BIN1: variants seen among roughly 807,000 people sequenced by gnomAD.
BIN1 encodes myc box-dependent-interacting protein 1.
In BIN1, 53 loss-of-function variants were observed where a neutral mutation model predicts 82.0. That is an observed-to-expected ratio of 0.65 (90% CI 0.52 to 0.81). The LOEUF (loss-of-function observed/expected upper bound fraction) is 0.81, where lower values mean the gene tolerates loss of function less well. Among genes scored for constraint, BIN1 ranks in the 40% least tolerant of loss-of-function variants. The pLI is 0.00. For synonymous variants in BIN1, 302 were observed against 328.0 expected (o/e 0.92, Z 0.86); for missense variants, 642 against 784.4 (o/e 0.82, Z 2.17).
chr2:127,081,697 T>C, intron 1 of BIN1: 3 of 993,378 alleles, frequency 3.0e-6, no homozygotes, highest in Non-Finnish European at 4.0e-6. Context: ...GCACCCCTCG[T>C]CCCTGCAGTG....
chr2:127,105,428 T>G (rs1262499441), intron 1 of BIN1, among the ~76,000 whole-genome samples: 1 of 148,912 alleles, frequency 6.7e-6, no homozygotes, highest in Non-Finnish European at 1.5e-5. Flanking sequence ...CAACCTGAAG[T>G]CTTCCCAGCC....
chr2:127,089,482 A>C (rs1034180423), intron 1 of BIN1, among the ~76,000 whole-genome samples: 1 of 152,126 alleles, frequency 6.6e-6, no homozygotes, highest in Non-Finnish European at 1.5e-5. Context: ...GGTGGTCATC[A>C]CCTGAGATGG....
At chr2:127,060,436 G>A (rs1470475094) in intron 10 of BIN1, among the ~76,000 whole-genome samples, 2 of 152,138 alleles carry the variant, frequency 1.3e-5, no homozygotes, top group Non-Finnish European at 1.5e-5. Context: ...CGCCGCCTCC[G>A]CCTTCCCACC....
At chr2:127,071,728 C>T (rs142922248) in intron 2 of BIN1, among the ~76,000 whole-genome samples, 1 of 152,284 alleles carries the variant, frequency 6.6e-6, no homozygotes, top group East Asian at 1.9e-4. Context: ...GGGCTGCACA[C>T]GGGCTTTGAG....
chr2:127,053,950 G>C lies in BIN1; in HGVS notation c.1194C>G (p.Leu398=). The part of the protein sequence containing the change: ...ASLLDLDFDP[L]PPVTSPVKAP... ...CCTTCACAGGGCTCGTCACGGGCGGGAGGGGGTCAAAGTCCAGGTCCAGCA... is the reference window on the plus strand; with the variant it reads ...CCTTCACAGGGCTCGTCACGGGCGGCAGGGGGTCAAAGTCCAGGTCCAGCA... Residue 398 remains leucine, a synonymous_variant, in exon 13 of 19, where the codon CTC becomes CTG. Coordinates refer to ENST00000316724, the MANE Select transcript of BIN1 (RefSeq NM_139343.3). 6.4e-7 allele frequency: 1 copy of C among 1,551,786 alleles called. No individual in the cohort carries two copies. Among genetic ancestry groups the C allele is most frequent in the Non-Finnish European group, 8.7e-7 (1 of 1,147,132 alleles).
At chr2:127,105,952 G>A (rs908274460) in intron 1 of BIN1, among the ~76,000 whole-genome samples, 2 of 152,250 alleles carry the variant, frequency 1.3e-5, no homozygotes, top group Non-Finnish European at 2.9e-5. Flanking sequence ...ATAAACCAGA[G>A]GTGGCTTGGG....
At chr2:127,052,022 GGCTGGGC>G in intron 15 of BIN1, among the ~76,000 whole-genome samples, 1 of 152,390 alleles carries the variant, frequency 6.6e-6, no homozygotes, top group African/African-American at 2.4e-5. Context: ...TGCGCTGGGA[GGCTGGGC>G]TGGGGTGGGC....
At chr2:127,070,195 A>C in intron 4 of BIN1, 105 bp from the exon 5 acceptor site, 23 of 909,868 alleles carry the variant, frequency 2.5e-5, no homozygotes, top group Non-Finnish European at 3.5e-5. Flanking sequence ...TTCACAGCTC[A>C]GTGGCTTCTC....
At chr2:127,080,036 C>T (rs1429845606) in intron 1 of BIN1, among the ~76,000 whole-genome samples, 1 of 152,244 alleles carries the variant, frequency 6.6e-6, no homozygotes, top group Non-Finnish European at 1.5e-5. Flanking sequence ...ACAGCATGGC[C>T]GAGGCCCAGG....
intron 15 of BIN1, among the ~76,000 whole-genome samples, chr2:127,051,950 T>C (rs1683013322): frequency 6.6e-6 from 1 of 152,152 alleles, no homozygotes; most frequent in African/African-American, 2.4e-5. Flanking sequence ...ATGACGAAGA[T>C]TAAATGAGAA....
rs554726476 is a variant in BIN1 at position 127,059,850 on chromosome 2, G to A, written c.858-695C>T. Among the ~76,000 whole-genome samples, 9 of 152,318 alleles carry A rather than the reference G, an allele frequency of 5.9e-5. No individual in the cohort carries two copies. Among genetic ancestry groups the A allele is most frequent in the African/African-American group, 2.2e-4 (9 of 41,560 alleles). ...GATGCTGTGCACCCCAGGCACAGGG[G>A]CGAAGGTGCAGGGAGAAAATTCTCT... is the stretch of plus-strand genomic sequence containing the variant. On this transcript the variant is annotated intron_variant, in intron 10 of 18. Coordinates refer to ENST00000316724, the MANE Select transcript of BIN1 (RefSeq NM_139343.3). The surrounding 1 kb of genome is among the most constrained non-coding windows in gnomAD (Gnocchi z 6.7).
intron 10 of BIN1, among the ~76,000 whole-genome samples, chr2:127,060,257 C>T: frequency 6.6e-6 from 1 of 152,192 alleles, no homozygotes; most frequent in East Asian, 1.9e-4. Context: ...ACAAAAAACC[C>T]CACAGTGCTG....
intron 1 of BIN1, among the ~76,000 whole-genome samples, chr2:127,080,336 A>G (rs1573710463): frequency 6.9e-6 from 1 of 145,680 alleles, no homozygotes; most frequent in Non-Finnish European, 1.5e-5. Context: ...GACACAGGGG[A>G]CTCCAGGTGT....
rs1035718245 is a variant in BIN1 at position 127,057,004 on chromosome 2, A to T, written c.1131+469T>A. On this transcript the variant is annotated intron_variant, in intron 12 of 18. Coordinates refer to ENST00000316724, the MANE Select transcript of BIN1 (RefSeq NM_139343.3). The surrounding 1 kb of genome is among the most constrained non-coding windows in gnomAD (Gnocchi z 5.0). ...TCTGGGCATTCCACGCCTCTTAGGG[A>T]GTGTGCACACGGCAGTTCTGCCCTG... Among the ~76,000 whole-genome samples the T allele has an allele frequency of 6.6e-6, 1 of 152,120 alleles. No individual in the cohort carries two copies. Among genetic ancestry groups the T allele is most frequent in the African/African-American group, 2.4e-5 (1 of 41,446 alleles).
chr2:127,106,754 G>C (rs1345467104), intron 1 of BIN1, 106 bp downstream of exon 1: 6 of 1,394,424 alleles, frequency 4.3e-6, no homozygotes, highest in Non-Finnish European at 4.9e-6. Context: ...GACAGCACCA[G>C]ATCCTGGCGA....
chr2:127,096,188 T>A (rs1215862540), intron 1 of BIN1, among the ~76,000 whole-genome samples: 1 of 151,772 alleles, frequency 6.6e-6, no homozygotes, highest in African/African-American at 2.4e-5. Flanking sequence ...TCTATCAGGG[T>A]CTAAGTCAAA....
intron 1 of BIN1, among the ~76,000 whole-genome samples, chr2:127,084,740 C>T (rs775910716): frequency 6.6e-6 from 1 of 152,200 alleles, no homozygotes; most frequent in African/African-American, 2.4e-5. Flanking sequence ...CATCATCACT[C>T]AGGTCTGTCT....
intron 1 of BIN1, among the ~76,000 whole-genome samples, chr2:127,101,046 G>A (rs554919342): frequency 2.9e-5 from 4 of 139,606 alleles, no homozygotes; most frequent in African/African-American, 8.4e-5. Flanking sequence ...GCTTTCTACC[G>A]CACCCAGAGT....
intron 5 of BIN1, among the ~76,000 whole-genome samples, chr2:127,069,679 C>T (rs1685612861): frequency 6.6e-6 from 1 of 152,046 alleles, no homozygotes; most frequent in Non-Finnish European, 1.5e-5. Flanking sequence ...ATGTGTAGGC[C>T]CTACTCACCC....
Sources: gnomAD v4.1 joint callset for allele counts (sites outside exome capture counted in the v4.1 genomes callset) on GRCh38, gnomAD v4.1.1 for gene constraint, Gnocchi (gnomAD v3.1) non-coding constraint, MANE v1.5 for transcripts, NCBI Gene and HGNC (gene_info 2026-07-23, HGNC 2026-07-21) for gene names.